CHD4: variants seen among roughly 807,000 people sequenced by gnomAD.
The protein encoded by CHD4 is ATP-dependent chromatin remodeler CHD4.
A neutral mutation model predicts 235.5 loss-of-function variants in CHD4; 35 were observed. The ratio of observed to expected loss-of-function variants is 0.15; its 90% CI spans 0.11 to 0.20. The LOEUF is 0.20. Among genes scored for constraint, CHD4 ranks in the 10% least tolerant of loss-of-function variants. The probability of loss-of-function intolerance (pLI) is 1.00; values close to 1 mark genes in which losing one functional copy is unlikely to be tolerated. For synonymous variants in CHD4, 900 were observed against 850.2 expected, an observed-to-expected ratio of 1.06 and a Z score of -1.02; for missense variants, 1,329 against 2,432.3, an observed-to-expected ratio of 0.55 and a Z score of 9.54.
intron 37 of CHD4, among the ~76,000 whole-genome samples, chr12:6,574,118 A>C (rs1948026818): frequency 6.6e-6 from 1 of 152,194 alleles, no homozygotes; most frequent in African/African-American, 2.4e-5. Context: ...CAACTTTTCT[A>C]ATGTAGTAAT....
At position 6,600,518 on chromosome 12, in the gene CHD4, C is replaced by G. The variant is rs755052654; in HGVS notation, c.1063+16G>C. 2.5e-5 allele frequency: 38 copies of G among 1,505,820 alleles called. No individual in the cohort carries two copies. The highest frequency in any genetic ancestry group is 5.4e-5 in the Admixed American group (3 of 55,766). 93.3% of individuals were successfully genotyped at this position (1,505,820 alleles called of 1,614,324 possible). Reference sequence around the variant, plus strand: ...CCCACCTCATCCCATCACAAATATACAGAAGAGAAACACACCTTTCTTTTT... The same window carrying G: ...CCCACCTCATCCCATCACAAATATAGAGAAGAGAAACACACCTTTCTTTTT... On this transcript the variant is annotated intron_variant, in intron 8 of 39. Transcript: ENST00000544040.
chr12:6,580,852 C>G, intron 33 of CHD4, 192 bp downstream of exon 33: 2 of 609,330 alleles, frequency 3.3e-6, no homozygotes, highest in South Asian at 2.2e-5. Context: ...ACTAAAAATA[C>G]AAAAATTAGC....
chr12:6,578,307 A>T, intron 35 of CHD4, 102 bp downstream of exon 35: 4 of 1,464,826 alleles, frequency 2.7e-6, no homozygotes, highest in Non-Finnish European at 3.8e-6. Context: ...TTCCCTCATC[A>T]AACAGAGGTA....
intron 3 of CHD4, 90 bp downstream of exon 3, chr12:6,602,286 G>A (rs1408695816): frequency 6.9e-6 from 11 of 1,601,224 alleles, no homozygotes; most frequent in Admixed American, 5.2e-5. Flanking sequence ...CCACTTCTGA[G>A]AAAGAAACAA....
chr12:6,600,481 T>A lies in CHD4; in HGVS notation c.1063+53A>T, dbSNP rs79404847. On this transcript the variant is annotated intron_variant, in intron 8 of 39. Coordinates refer to ENST00000544040, the MANE Select transcript of CHD4 (RefSeq NM_001273.5). ...ACCCCTATCTCCTTAGGGAGATTCT[T>A]CCCCAATCACTCCCACCTCATCCCA... 4.0e-4 allele frequency: 636 copies of A among 1,604,400 alleles called. 5 individuals carry two copies. The East Asian group carries it at 0.014, about 34-fold the overall frequency.
At position 6,596,125 on chromosome 12, in the gene CHD4, C is replaced by T; in HGVS notation, c.1905G>A (p.Lys635=). ...ACTTGATCAAGTAGTGGACGTGGCC[C>T]TTCTTGTCCACACTGCAAGTCCAGG... is the stretch of plus-strand genomic sequence containing the variant. ...HRILNHSVDK[K]GHVHYLIKWR... is the part of the protein sequence containing the mutation. The change falls in exon 13 of 40, where the codon AAG becomes AAA. Residue 635 remains lysine, a synonymous_variant. Transcript: ENST00000544040. The T allele has an allele frequency of 1.2e-6, 2 of 1,613,796 alleles. No homozygotes were observed. The highest frequency in any genetic ancestry group is 1.7e-6 in the Non-Finnish European group (2 of 1,179,880).
At position 6,601,007 on chromosome 12, in the gene CHD4, A is replaced by C; in HGVS notation, c.846T>G (p.Asp282Glu). 6.2e-7 allele frequency: 1 copy of C among 1,606,856 alleles called. No homozygotes were observed. Among genetic ancestry groups the C allele is most frequent in the South Asian group, 1.1e-5 (1 of 89,864 alleles). Reference protein sequence around the residue: ...RKPKGSPRVPDAKKPKPKKVA... With the variant: ...RKPKGSPRVPEAKKPKPKKVA... ...CTTTCTTGGGTTTAGGCTTCTTGGCATCAGGTACACGAGGGCTGCCCTTGG... is the reference window on the plus strand; with the variant it reads ...CTTTCTTGGGTTTAGGCTTCTTGGCCTCAGGTACACGAGGGCTGCCCTTGG... The change falls in exon 7 of 40, where the codon GAT becomes GAG. Residue 282 changes from aspartate to glutamate, a missense_variant. Around this residue, in one of 26 missense-constraint regions of CHD4, gnomAD observed 160 missense variants for 196.6 expected, o/e 0.81. Transcript: ENST00000544040.
Position 6,598,106 on chromosome 12 carries a change from G to C in CHD4, c.1687-7C>G. 1 of 1,614,030 alleles carries C rather than the reference G, an allele frequency of 6.2e-7. No homozygotes were observed. The highest frequency in any genetic ancestry group is 8.5e-7 in the Non-Finnish European group (1 of 1,179,994). ...CCTGACAGTGCAGCTCCAGCTTTGA[G>C]CGGAAAGAGAAAATCAGCCACCAAG... On this transcript the variant is annotated splice_polypyrimidine_tract_variant and splice_region_variant and intron_variant, in intron 11 of 39. Coordinates refer to ENST00000544040, the MANE Select transcript of CHD4 (RefSeq NM_001273.5).
rs1948451486 is a variant in CHD4, at chr12:6,594,440, C to A, written c.2313+19G>T. ...ACAAAACACCCACACAAAAAACTAT[C>A]CACCCCAGATTTCCTTACCTCCTTG... On this transcript the variant is annotated intron_variant, in intron 15 of 39. Coordinates refer to ENST00000544040, the MANE Select transcript of CHD4 (RefSeq NM_001273.5). The A allele has an allele frequency of 3.8e-6, 6 of 1,586,082 alleles. No individual in the cohort carries two copies. The East Asian group carries it at 1.1e-4, about 30-fold the overall frequency.
chr12:6,585,473 G>A (rs978209273), intron 25 of CHD4, among the ~76,000 whole-genome samples: 23 of 151,698 alleles, frequency 1.5e-4, no homozygotes, highest in African/African-American at 5.3e-4. Context: ...TAGTAGAGAC[G>A]GGGTTTCATC....
intron 12 of CHD4, among the ~76,000 whole-genome samples, chr12:6,597,442 G>C (rs1948519398): frequency 6.6e-6 from 1 of 152,036 alleles, no homozygotes; most frequent in South Asian, 2.1e-4. Context: ...CTCAAGCCTG[G>C]GCAACACAGC....
At chr12:6,601,577 A>G (rs1233099921) in intron 5 of CHD4, 47 bp from the exon 6 acceptor site, 1 of 1,612,972 alleles carries the variant, frequency 6.2e-7, no homozygotes, top group East Asian at 2.2e-5. Context: ...TAAGAATAAA[A>G]AAAGAAAGAG....
intron 37 of CHD4, among the ~76,000 whole-genome samples, chr12:6,576,217 C>T (rs1179338182): frequency 2.0e-5 from 3 of 152,064 alleles, no homozygotes; most frequent in African/African-American, 4.8e-5. Flanking sequence ...ATTAGCTGGG[C>T]GTGGTGGCAC....
At position 6,600,813 on chromosome 12, in the gene CHD4, GGGAAA is replaced by G. The variant is rs1948576672; in HGVS notation, c.927+108_927+112del. 9.9e-6 allele frequency: 15 copies of G among 1,508,032 alleles called. No individual in the cohort carries two copies. The South Asian group carries it at 1.9e-4, about 19-fold the overall frequency. The allele number at this position is 1,508,032 out of a possible 1,614,324, so 93.4% of individuals were successfully genotyped here. Reference sequence around the variant, plus strand: ...GGAGCCTAGTCTCATCTTGTTCTGTGGGAAACGCCCCACATTCTTACGTGCCTACT... The same window carrying G: ...GGAGCCTAGTCTCATCTTGTTCTGTGCGCCCCACATTCTTACGTGCCTACT... On this transcript the variant is annotated intron_variant, in intron 7 of 39. Transcript: ENST00000544040.
rs1349627563 is a variant in CHD4, at chr12:6,593,794, G to C, written c.2314-178C>G. Among the ~76,000 whole-genome samples the C allele has an allele frequency of 6.6e-6, 1 of 152,004 alleles. No homozygotes were observed. Among genetic ancestry groups the C allele is most frequent in the East Asian group, 1.9e-4 (1 of 5,186 alleles). ...AGCCCACTCCTTTCCAAAAACCCAA[G>C]GTCCCACCATAACTACAAGTCTTAC... On this transcript the variant is annotated intron_variant, in intron 15 of 39. Coordinates refer to ENST00000544040, the MANE Select transcript of CHD4 (RefSeq NM_001273.5). This position sits in a 1 kb window ranked among gnomAD's most constrained non-coding sequence, Gnocchi z 4.9.
Position 6,573,279 on chromosome 12 carries a change from G to C in CHD4, c.5362-10C>G, listed in dbSNP as rs376067533. ...GAGCTTGTTCTAAGAGCTGGACAAG[G>C]GATAAGAGGAAACGGGAGTTCGACT... On this transcript the variant is annotated splice_polypyrimidine_tract_variant and intron_variant, in intron 37 of 39. Transcript: ENST00000544040. 8 of 1,534,626 alleles carry C rather than the reference G, an allele frequency of 5.2e-6. No individual in the cohort carries two copies. The highest frequency in any genetic ancestry group is 6.1e-6 in the Non-Finnish European group (7 of 1,147,762).
chr12:6,606,734 G>A (rs1326177620), intron 1 of CHD4: 5 of 179,800 alleles, frequency 2.8e-5, no homozygotes, highest in Admixed American at 6.3e-5. Flanking sequence ...CGGGGGAGGG[G>A]GTCCGAGTGG....
rs201057993 is a variant in CHD4, at chr12:6,570,157, CTT to C, written c.*517_*518del. 6.9e-5 allele frequency: 10 copies of C among 145,616 alleles called. No individual in the cohort carries two copies. Among genetic ancestry groups the C allele is most frequent in the Admixed American group, 1.4e-4 (2 of 14,500 alleles). The allele number at this position is 145,616 out of a possible 1,614,324, so 9.0% of individuals were successfully genotyped here. A position where few individuals can be genotyped will look rare whatever the true frequency, so the allele number is the denominator to read the frequency against. On this transcript the variant is annotated 3_prime_UTR_variant, in exon 40 of 40. Coordinates refer to ENST00000544040, the MANE Select transcript of CHD4 (RefSeq NM_001273.5). ...GGTTTTTTATGCTTTTGGTTTTTTC[CTT>C]TTTTTTTTTTTCCACTTTATTTCAT...
chr12:6,597,213 T>A (rs1236020760), intron 12 of CHD4, among the ~76,000 whole-genome samples: 4 of 151,068 alleles, frequency 2.6e-5, no homozygotes, highest in Non-Finnish European at 4.4e-5. Context: ...GAGGCAGAGC[T>A]TGCAGTGAGC....
Sources: allele counts gnomAD v4.1 joint callset (sites outside exome capture counted in the v4.1 genomes callset), GRCh38; gene constraint gnomAD v4.1.1; regional missense constraint gnomAD v4.1.1; non-coding constraint Gnocchi (gnomAD v3.1); transcripts MANE v1.5; gene names NCBI Gene and HGNC (gene_info 2026-07-23, HGNC 2026-07-21).